The following THNSL1 variants were observed in gnomAD, a reference collection of about 807,000 sequenced individuals.
THNSL1 encodes threonine synthase-like 1.
A neutral mutation model predicts 50.4 loss-of-function variants in THNSL1; 48 were observed. The observed-to-expected ratio is 0.95, with a 90% CI of 0.76 to 1.21. The LOEUF (loss-of-function observed/expected upper bound fraction) is 1.21. THNSL1 is among the 50% of genes most tolerant of loss of function. The pLI is 0.00. For missense variants in THNSL1, 896 were observed against 871.7 expected (o/e 1.03, Z -0.35); for synonymous variants, 309 against 306.1 (o/e 1.01, Z -0.10).
At chr10:24,977,262 A>G in the THNSL1 span, among the ~76,000 whole-genome samples, 1 of 152,230 alleles carries the variant, frequency 6.6e-6, no homozygotes, top group Non-Finnish European at 1.5e-5. Context: ...TTATTTTCAT[A>G]CTATGGATAC....
Position 25,023,662 on chromosome 10 carries a change from A to G in THNSL1, c.439A>G (p.Lys147Glu). 1 of 1,614,158 alleles carries G rather than the reference A, an allele frequency of 6.2e-7. No individual in the cohort carries two copies. Among genetic ancestry groups the G allele is most frequent in the Non-Finnish European group, 8.5e-7 (1 of 1,180,012 alleles). Residue 147 changes from lysine (K) to glutamate (E), a missense_variant, in exon 3 of 3, where the codon AAA (lysine) becomes GAA (glutamate). Lys to Glu is a moderately conservative substitution (Grantham distance 56, BLOSUM62 1). Transcript: ENST00000376356. ...MHDASMWHLK[K>E]NGIIVYLDVP... ...TGATGCTAGCATGTGGCATCTGAAG[A>G]AAAATGGAATAATTGTATACCTGGA... is the stretch of plus-strand genomic sequence containing the variant.
At chr10:24,979,371 G>C in the THNSL1 span, among the ~76,000 whole-genome samples, 6 of 152,192 alleles carry the variant, frequency 3.9e-5, no homozygotes, top group Non-Finnish European at 7.4e-5. Flanking sequence ...ACAGAGGCCA[G>C]GTGCCAGTGT....
chr10:24,953,170 C>T, the THNSL1 span: 1 of 152,586 alleles, frequency 6.6e-6, no homozygotes, highest in South Asian at 2.1e-4. Flanking sequence ...CCACCTCTCT[C>T]CACCTCCGCT....
chr10:25,017,593 T>G (rs1020937042), intron 1 of THNSL1, among the ~76,000 whole-genome samples: 6 of 149,812 alleles, frequency 4.0e-5, no homozygotes, highest in African/African-American at 1.5e-4. Flanking sequence ...TTACTGAATT[T>G]CACTACATAA....
In THNSL1 at chr10:25,023,580, G is replaced by A. The variant is rs978965196; in HGVS notation, c.357G>A (p.Val119=). ...TTTTAGAAGAGGAAGGAAAAGCTGTGTTAAACTTCTCTGCATCTGGAAGTG... is the reference window on the plus strand; with the variant it reads ...TTTTAGAAGAGGAAGGAAAAGCTGTATTAAACTTCTCTGCATCTGGAAGTG... ...EQFLEEEGKA[V]LNFSASGSVI... The change falls in exon 3 of 3, where the codon GTG becomes GTA. Residue 119 remains valine (V), a synonymous_variant. Transcript: ENST00000376356. 1.2e-6 allele frequency: 2 copies of A among 1,614,138 alleles called. No individual in the cohort carries two copies. The highest frequency in any genetic ancestry group is 1.7e-6 in the Non-Finnish European group (2 of 1,179,998).
chr10:25,013,690 C>T (rs1850501964), upstream of THNSL1, among the ~76,000 whole-genome samples: 1 of 152,212 alleles, frequency 6.6e-6, no homozygotes, highest in Admixed American at 6.5e-5. Flanking sequence ...CGCCTATAAT[C>T]ATAGCACTTT....
the THNSL1 span, among the ~76,000 whole-genome samples, chr10:24,962,351 A>T: frequency 6.6e-6 from 1 of 152,204 alleles, no homozygotes; most frequent in Non-Finnish European, 1.5e-5. Flanking sequence ...TACTATTTTT[A>T]TCTTACATTA....
At chr10:25,008,765 C>T in the THNSL1 span, among the ~76,000 whole-genome samples, 413 of 152,206 alleles carry the variant, frequency 2.7e-3, 1 homozygote, top group South Asian at 7.7e-3. Context: ...GGTATATACC[C>T]AAAGGACCAT....
At chr10:25,000,277 TGAAAA>T in the THNSL1 span, among the ~76,000 whole-genome samples, 2 of 152,156 alleles carry the variant, frequency 1.3e-5, no homozygotes, top group Non-Finnish European at 2.9e-5. Context: ...TGTATACACT[TGAAAA>T]GAAAGTATGT....
chr10:24,983,708 G>A, the THNSL1 span: 1 of 152,088 alleles, frequency 6.6e-6, no homozygotes, highest in Non-Finnish European at 1.5e-5. Flanking sequence ...AAGCCTGAAA[G>A]ACTCCCATAT....
chr10:25,012,977 G>GT (rs1291216613), upstream of THNSL1, among the ~76,000 whole-genome samples: 1 of 152,158 alleles, frequency 6.6e-6, no homozygotes, highest in African/African-American at 2.4e-5. Flanking sequence ...CTGGTGATAG[G>GT]TAATTGAATC....
At chr10:25,017,357 A>G (rs925013335) in intron 1 of THNSL1, among the ~76,000 whole-genome samples, 3 of 152,106 alleles carry the variant, frequency 2.0e-5, no homozygotes, top group African/African-American at 7.2e-5. Context: ...ACATTTTGGT[A>G]ATAGGATTTG....
chr10:25,022,670 T>C (rs974762142), intron 2 of THNSL1, among the ~76,000 whole-genome samples: 2 of 152,202 alleles, frequency 1.3e-5, no homozygotes, highest in Admixed American at 1.3e-4. Flanking sequence ...ATGAGTAATA[T>C]AGTCTGTCAC....
chr10:24,979,168 T>C, the THNSL1 span, among the ~76,000 whole-genome samples: 3,748 of 152,330 alleles, frequency 0.025, 160 homozygotes, highest in African/African-American at 0.085. Context: ...CAGCATTGGC[T>C]TCCTTAACTG....
chr10:25,026,380 A>G lies in THNSL1; in HGVS notation c.*925A>G, dbSNP rs1850852386. ...GAACTACTTAGAAGTGAATACAGAA[A>G]TGATCTATTTCAAGAGGAAGGTTTT... On this transcript the variant is annotated 3_prime_UTR_variant, in exon 3 of 3. Transcript: ENST00000376356. 6.0e-6 allele frequency: 1 copy of G among 166,990 alleles called. No individual in the cohort carries two copies. Among genetic ancestry groups the G allele is most frequent in the African/African-American group, 2.4e-5 (1 of 41,480 alleles). 10.3% of individuals were successfully genotyped at this position (166,990 alleles called of 1,614,324 possible).
the THNSL1 span, among the ~76,000 whole-genome samples, chr10:25,007,290 T>G: frequency 6.6e-6 from 1 of 152,202 alleles, no homozygotes; most frequent in East Asian, 1.9e-4. Context: ...ACTTATACAT[T>G]TCCCTGGCAA....
chr10:24,977,452 G>T, the THNSL1 span, among the ~76,000 whole-genome samples: 2 of 152,106 alleles, frequency 1.3e-5, no homozygotes, highest in Non-Finnish European at 2.9e-5. Context: ...GTAAAAAATA[G>T]TTCCTAATAC....
the THNSL1 span, among the ~76,000 whole-genome samples, chr10:25,003,379 G>C: frequency 6.6e-6 from 1 of 152,122 alleles, no homozygotes; most frequent in African/African-American, 2.4e-5. Flanking sequence ...GCTAATTTTT[G>C]TATTTTTAGT....
the THNSL1 span, among the ~76,000 whole-genome samples, chr10:24,992,694 C>A: frequency 1.3e-5 from 2 of 152,298 alleles, no homozygotes; most frequent in South Asian, 4.1e-4. Flanking sequence ...AACAATAACA[C>A]TTTGTTGCTT....
Sources: gnomAD v4.1 joint callset for allele counts (sites outside exome capture counted in the v4.1 genomes callset) on GRCh38, gnomAD v4.1.1 for gene constraint, MANE v1.5 for transcripts, NCBI Gene and HGNC (gene_info 2026-07-23, HGNC 2026-07-21) for gene names.